RGS6: variants seen among roughly 807,000 people sequenced by gnomAD.
RGS6 encodes the protein regulator of G-protein signaling 6.
RGS6 carries 30 observed loss-of-function variants against 78.5 expected under a neutral mutation model. The ratio of observed to expected loss-of-function variants is 0.38; its 90% CI spans 0.29 to 0.52. RGS6 has a LOEUF of 0.52. Among genes scored for constraint, RGS6 ranks in the 20% least tolerant of loss-of-function variants. RGS6 has a pLI of 0.85. For missense variants in RGS6, 495 were observed against 609.7 expected (o/e 0.81, Z 1.98); for synonymous variants, 206 against 206.0 (o/e 1.00, Z 0.00).
intron 1 of RGS6, among the ~76,000 whole-genome samples, chr14:71,940,911 C>T (rs552594361): frequency 6.6e-6 from 1 of 152,344 alleles, no homozygotes; most frequent in East Asian, 1.9e-4. Context: ...TGGATTCCTT[C>T]CTGTACATTA....
At chr14:72,188,851 C>T (rs1006672408) in intron 2 of RGS6, among the ~76,000 whole-genome samples, 2 of 152,188 alleles carry the variant, frequency 1.3e-5, no homozygotes, top group Non-Finnish European at 2.9e-5. Context: ...TAAAAAAGAA[C>T]TCTCTCTGAA....
At chr14:72,104,950 T>G (rs1388162224) in intron 2 of RGS6, among the ~76,000 whole-genome samples, 2 of 152,210 alleles carry the variant, frequency 1.3e-5, no homozygotes, top group African/African-American at 4.8e-5. Flanking sequence ...TTGTTTAGAT[T>G]ATTAAACACA....
intron 2 of RGS6, among the ~76,000 whole-genome samples, chr14:71,972,676 AGTG>A (rs1438848575): frequency 6.6e-6 from 1 of 152,060 alleles, no homozygotes; most frequent in East Asian, 1.9e-4. Flanking sequence ...GTGTTGGAGA[AGTG>A]GTAGGATTGG....
intron 3 of RGS6, among the ~76,000 whole-genome samples, chr14:72,360,209 A>G (rs998978962): frequency 6.6e-6 from 1 of 152,114 alleles, no homozygotes; most frequent in Non-Finnish European, 1.5e-5. Flanking sequence ...AGAAACACAT[A>G]CAATTTATTC....
chr14:71,998,878 G>A (rs1460029429), intron 2 of RGS6, among the ~76,000 whole-genome samples: 1 of 152,194 alleles, frequency 6.6e-6, no homozygotes, highest in African/African-American at 2.4e-5. Flanking sequence ...ATTGAAGTGT[G>A]GAAGCAGCCA....
intron 1 of RGS6, among the ~76,000 whole-genome samples, chr14:71,939,128 T>C (rs574255982): frequency 1.3e-5 from 2 of 152,226 alleles, no homozygotes; most frequent in East Asian, 3.9e-4. Flanking sequence ...TGGGCCGGAG[T>C]AACACACCCA....
intron 2 of RGS6, among the ~76,000 whole-genome samples, chr14:72,179,950 A>G (rs1010391820): frequency 2.6e-5 from 4 of 152,208 alleles, no homozygotes; most frequent in African/African-American, 9.6e-5. Flanking sequence ...AACAAATCCA[A>G]CAGCACTGTC....
intron 2 of RGS6, among the ~76,000 whole-genome samples, chr14:72,161,451 A>G (rs2096852142): frequency 6.6e-6 from 1 of 152,122 alleles, no homozygotes. Context: ...CGTTGAGGAA[A>G]TATTCTAAGT....
intron 1 of RGS6, among the ~76,000 whole-genome samples, chr14:71,940,366 T>A (rs1370798375): frequency 6.6e-5 from 10 of 152,240 alleles, no homozygotes. Context: ...GTTCTGGGTC[T>A]GTAAACTGGC....
At chr14:72,063,650 A>C (rs1260382690) in intron 2 of RGS6, among the ~76,000 whole-genome samples, 1 of 152,078 alleles carries the variant, frequency 6.6e-6, no homozygotes, top group Non-Finnish European at 1.5e-5. Flanking sequence ...AGTAGAGATA[A>C]AGAAATTGAC....
At chr14:72,395,089 A>G (rs2090894445) in intron 3 of RGS6, among the ~76,000 whole-genome samples, 1 of 152,220 alleles carries the variant, frequency 6.6e-6, no homozygotes, top group Admixed American at 6.5e-5. Context: ...TGGTAGTAAC[A>G]TGATATTCTG....
intron 2 of RGS6, among the ~76,000 whole-genome samples, chr14:72,239,006 G>A (rs563045504): frequency 3.3e-5 from 5 of 151,244 alleles, no homozygotes; most frequent in African/African-American, 9.7e-5. Context: ...AGAATTCAAT[G>A]GAGGGGCATA....
chr14:72,044,032 G>A (rs576015971), intron 2 of RGS6, among the ~76,000 whole-genome samples: 1 of 152,068 alleles, frequency 6.6e-6, no homozygotes, highest in South Asian at 2.1e-4. Context: ...TATCTGGGAG[G>A]TGTCTATTGA....
intron 2 of RGS6, among the ~76,000 whole-genome samples, chr14:72,190,987 C>G (rs1233527980): frequency 6.6e-6 from 1 of 152,164 alleles, no homozygotes; most frequent in Non-Finnish European, 1.5e-5. Context: ...TGTTTCTTTT[C>G]TCAATGGTTT....
At chr14:72,619,236 G>T in the RGS6 span, 1 of 1,508,496 alleles carries the variant, frequency 6.6e-7, no homozygotes, top group Non-Finnish European at 8.9e-7. Flanking sequence ...GCGCGTTCTG[G>T]TTTGAACTGG....
intron 13 of RGS6, among the ~76,000 whole-genome samples, chr14:72,496,214 T>C (rs1372290178): frequency 1.1e-5 from 1 of 92,796 alleles, no homozygotes; most frequent in Non-Finnish European, 2.0e-5. Flanking sequence ...GTTTATAGTC[T>C]AATGCTGTGG....
At chr14:72,431,379 G>T (rs1396917721) in intron 3 of RGS6, among the ~76,000 whole-genome samples, 1 of 152,106 alleles carries the variant, frequency 6.6e-6, no homozygotes, top group East Asian at 1.9e-4. Context: ...TTGAGACAGA[G>T]TCTCATTCCA....
intron 3 of RGS6, among the ~76,000 whole-genome samples, chr14:72,436,038 C>T (rs1282732730): frequency 6.6e-6 from 1 of 152,068 alleles, no homozygotes; most frequent in Non-Finnish European, 1.5e-5. Context: ...GGAGGTGTCT[C>T]AACTGGGAAG....
chr14:72,334,828 T>C (rs893824706), intron 2 of RGS6, among the ~76,000 whole-genome samples: 5 of 152,122 alleles, frequency 3.3e-5, no homozygotes, highest in Middle Eastern at 3.2e-3. Context: ...TGCCTCAGGC[T>C]TCCCTTGGCT....
Sources: allele counts gnomAD v4.1 joint callset (sites outside exome capture counted in the v4.1 genomes callset), GRCh38; gene constraint gnomAD v4.1.1; transcripts MANE v1.5; gene names NCBI Gene and HGNC (gene_info 2026-07-23, HGNC 2026-07-21).